Variants in NDFIP1 observed in about 807,000 individuals in gnomAD.
The protein encoded by NDFIP1 is NEDD4 family-interacting protein 1.
A neutral mutation model predicts 28.8 loss-of-function variants in NDFIP1; 7 were observed. The ratio of observed to expected loss-of-function variants is 0.24; its 90% CI spans 0.14 to 0.46. The LOEUF is 0.46. Among genes scored for constraint, NDFIP1 ranks in the 20% least tolerant of loss-of-function variants. The pLI, the probability that NDFIP1 is intolerant of heterozygous loss-of-function variation, is 0.99. For synonymous variants in NDFIP1, 92 were observed against 101.0 expected (o/e 0.91, Z 0.53); for missense variants, 194 against 269.1 (o/e 0.72, Z 1.95).
rs1161113130 is a variant in NDFIP1, at chr5:142,141,168, CTTTTTTTTTTTTT to C, written c.562+555_562+567del. Among the ~76,000 whole-genome samples, 15 of 59,958 alleles carry C rather than the reference CTTTTTTTTTTTTT, an allele frequency of 2.5e-4. No homozygotes were observed. In the East Asian group the frequency reaches 2.6e-3, roughly 11 times the overall value. The allele number at this position is 59,958 out of a possible 152,430, so 39.3% of individuals were successfully genotyped here. A position where few individuals can be genotyped will look rare whatever the true frequency, so the allele number is the denominator to read the frequency against. ...AACTATTTTACAATAGGCAAGAGGA[CTTTTTTTTTTTTT>C]TTTTTTTTTTTTTTTACAGAGTCTT... On this transcript the variant is annotated intron_variant, in intron 6 of 7. Coordinates refer to ENST00000253814, the MANE Select transcript of NDFIP1 (RefSeq NM_030571.4).
intron 1 of NDFIP1, among the ~76,000 whole-genome samples, chr5:142,124,136 AG>A (rs569398346): frequency 2.9e-4 from 44 of 152,288 alleles, no homozygotes; most frequent in African/African-American, 1.0e-3. Flanking sequence ...CAGAAAACAG[AG>A]GATTATTTGC....
intron 7 of NDFIP1, among the ~76,000 whole-genome samples, chr5:142,146,042 T>C (rs530651214): frequency 1.3e-5 from 2 of 152,326 alleles, no homozygotes; most frequent in East Asian, 3.9e-4. Flanking sequence ...TGAGACCCTC[T>C]TGAATATAAC....
At chr5:142,127,140 C>T (rs1254439797) in intron 1 of NDFIP1, among the ~76,000 whole-genome samples, 4 of 152,178 alleles carry the variant, frequency 2.6e-5, no homozygotes, top group East Asian at 1.9e-4. Context: ...CTAAGCCTCC[C>T]GAGTAGTTGG....
intron 6 of NDFIP1, among the ~76,000 whole-genome samples, chr5:142,141,423 G>A (rs573758826): frequency 7.2e-5 from 11 of 151,882 alleles, no homozygotes; most frequent in Admixed American, 2.0e-4. Context: ...TGATCCGCCC[G>A]CCTCGGCCTC....
At chr5:142,114,213 TTGTTA>T (rs970683490) in intron 1 of NDFIP1, among the ~76,000 whole-genome samples, 6 of 152,210 alleles carry the variant, frequency 3.9e-5, no homozygotes, top group African/African-American at 1.2e-4. Context: ...CTCAACATAC[TTGTTA>T]TGTTCTCTTT....
intron 1 of NDFIP1, among the ~76,000 whole-genome samples, chr5:142,125,746 C>T (rs1265051327): frequency 6.6e-6 from 1 of 152,176 alleles, no homozygotes; most frequent in Non-Finnish European, 1.5e-5. Context: ...TATTAGAGTT[C>T]CCGTTTCTCC....
At chr5:142,109,551 A>G (rs1382273676) in intron 1 of NDFIP1, among the ~76,000 whole-genome samples, 1 of 152,152 alleles carries the variant, frequency 6.6e-6, no homozygotes, top group Admixed American at 6.5e-5. Flanking sequence ...TTAAGACAAA[A>G]GTAAAAAATG....
chr5:142,122,515 T>C (rs1311241751), intron 1 of NDFIP1, among the ~76,000 whole-genome samples: 1 of 152,212 alleles, frequency 6.6e-6, no homozygotes, highest in African/African-American at 2.4e-5. Flanking sequence ...GACATATAAC[T>C]AGGAGTGGAA....
rs1161800901 is a variant in NDFIP1 at position 142,109,026 on chromosome 5, C to A, written c.52C>A (p.Arg18=). The change falls in exon 1 of 8, where the codon CGG becomes AGG. Residue 18 remains arginine (R), a synonymous_variant. Transcript: ENST00000253814. The part of the protein sequence containing the change: ...LAAVEPACGS[R]YQQLQNEEES... ...GGCGGTCGAGCCGGCCTGCGGCAGC[C>A]GGTACCAGCAGGTAAGCGGCGCCCG... The A allele has an allele frequency of 1.4e-6, 2 of 1,434,840 alleles. No homozygotes were observed. The highest frequency in any genetic ancestry group is 6.2e-5 in the East Asian group (2 of 32,504). The allele number at this position is 1,434,840 out of a possible 1,614,324, so 88.9% of individuals were successfully genotyped here. A position where few individuals can be genotyped will look rare whatever the true frequency, so the allele number is the denominator to read the frequency against.
intron 6 of NDFIP1, chr5:142,142,940 A>ATATATATAT (rs1554092158): frequency 1.6e-4 from 6 of 38,138 alleles, no homozygotes; most frequent in African/African-American, 7.5e-4. Context: ...AAAAAAAAAA[A>ATATATATAT]ATATATATAT....
At chr5:142,110,580 T>G (rs1029412224) in intron 1 of NDFIP1, among the ~76,000 whole-genome samples, 2 of 152,168 alleles carry the variant, frequency 1.3e-5, no homozygotes, top group Non-Finnish European at 2.9e-5. Context: ...GCATTTAATA[T>G]TTTTTAATTA....
At position 142,142,908 on chromosome 5, in the gene NDFIP1, A is replaced by T. The variant is rs1294388845; in HGVS notation, c.563-1663A>T. ...ACTCCAGCCTGGGTAACAGAGCAAG[A>T]TTCCATCTCAAAAAAAAAAAAAAAA... On this transcript the variant is annotated intron_variant, in intron 6 of 7. Coordinates refer to ENST00000253814, the MANE Select transcript of NDFIP1 (RefSeq NM_030571.4). 3 of 115,258 alleles carry T rather than the reference A, an allele frequency of 2.6e-5. No homozygotes were observed. The East Asian group carries it at 7.9e-4, about 30-fold the overall frequency. 7.1% of individuals were successfully genotyped at this position (115,258 alleles called of 1,614,324 possible). A position where few individuals can be genotyped will look rare whatever the true frequency, so the allele number is the denominator to read the frequency against.
chr5:142,153,056 T>A lies in NDFIP1; in HGVS notation c.*1328T>A, dbSNP rs1235709488. Reference sequence around the variant, plus strand: ...TCTGGAATTCCTAATTATGCTTCAATTTTTAGACATAATTTTAGATAATTT... The same window carrying A: ...TCTGGAATTCCTAATTATGCTTCAAATTTTAGACATAATTTTAGATAATTT... On this transcript the variant is annotated 3_prime_UTR_variant, in exon 8 of 8. Transcript: ENST00000253814. 2.1e-5 allele frequency: 7 copies of A among 340,822 alleles called. No homozygotes were observed. Among genetic ancestry groups the A allele is most frequent in the Non-Finnish European group, 4.0e-5 (7 of 173,438 alleles). The allele number at this position is 340,822 out of a possible 1,614,324, so 21.1% of individuals were successfully genotyped here.
chr5:142,132,213 A>G lies in NDFIP1; in HGVS notation c.153A>G (p.Ala51=). ...PYSSISAESA[A]YFDYKDESGF... ...ATTGTGACTGTTAAAATTCTGCAGC[A>G]TATTTTGACTACAAGGATGAGTCTG... The change falls in exon 3 of 8, where the codon GCA becomes GCG. Residue 51 remains alanine (A), a splice_region_variant and synonymous_variant. Transcript: ENST00000253814. The G allele has an allele frequency of 6.2e-7, 1 of 1,607,078 alleles. No individual in the cohort carries two copies. Among genetic ancestry groups the G allele is most frequent in the Non-Finnish European group, 8.5e-7 (1 of 1,178,488 alleles).
intron 1 of NDFIP1, among the ~76,000 whole-genome samples, chr5:142,122,400 C>G (rs1484737164): frequency 6.6e-6 from 1 of 152,186 alleles, no homozygotes; most frequent in Non-Finnish European, 1.5e-5. Flanking sequence ...ATTTATTTAC[C>G]TATTCTACTG....
At chr5:142,120,782 C>G (rs935970572) in intron 1 of NDFIP1, among the ~76,000 whole-genome samples, 1 of 152,182 alleles carries the variant, frequency 6.6e-6, no homozygotes, top group Non-Finnish European at 1.5e-5. Context: ...CAGTTGAATA[C>G]TTGTAGAATG....
rs939928498 is a variant in NDFIP1 at position 142,153,001 on chromosome 5, TAGAG to T, written c.*1276_*1279del. 3.3e-6 allele frequency: 1 copy of T among 298,918 alleles called. No homozygotes were observed. The allele number at this position is 298,918 out of a possible 1,614,324, so 18.5% of individuals were successfully genotyped here. ...TGTAAAAGATAATGGACTAAAAAAG[TAGAG>T]AGGAGTTGTAGAGATCTTAAATCAT... On this transcript the variant is annotated 3_prime_UTR_variant, in exon 8 of 8. Coordinates refer to ENST00000253814, the MANE Select transcript of NDFIP1 (RefSeq NM_030571.4).
chr5:142,147,063 A>G (rs2126923968), intron 7 of NDFIP1, among the ~76,000 whole-genome samples: 1 of 152,300 alleles, frequency 6.6e-6, no homozygotes, highest in African/African-American at 2.4e-5. Context: ...AGGTAAATGA[A>G]TGCACACCAT....
intron 7 of NDFIP1, among the ~76,000 whole-genome samples, chr5:142,145,453 G>A (rs1024257707): frequency 1.3e-5 from 2 of 152,142 alleles, no homozygotes; most frequent in Non-Finnish European, 2.9e-5. Context: ...GGACTTGGCT[G>A]TTTGTTCCTT....
Sources: gnomAD v4.1 joint callset for allele counts (sites outside exome capture counted in the v4.1 genomes callset) on GRCh38, gnomAD v4.1.1 for gene constraint, MANE v1.5 for transcripts, NCBI Gene and HGNC (gene_info 2026-07-23, HGNC 2026-07-21) for gene names.